USP32: variants seen among roughly 807,000 people sequenced by gnomAD.
USP32 encodes the protein ubiquitin carboxyl-terminal hydrolase 32.
A neutral mutation model predicts 204.8 loss-of-function variants in USP32; 59 were observed. The observed-to-expected ratio is 0.29, with a 90% CI of 0.23 to 0.36. The LOEUF is 0.36. Among genes scored for constraint, USP32 ranks in the 10% least tolerant of loss-of-function variants. USP32 has a pLI of 1.00. For missense variants in USP32, 1,160 were observed against 1,946.4 expected (o/e 0.60, Z 7.60); for synonymous variants, 517 against 678.4 (o/e 0.76, Z 3.70).
intron 9 of USP32, among the ~76,000 whole-genome samples, chr17:60,256,221 G>C (rs571512810): frequency 6.6e-6 from 1 of 151,880 alleles, no homozygotes; most frequent in South Asian, 2.1e-4. Context: ...AATCAGAATA[G>C]AGAAATAAGC....
Position 60,381,430 on chromosome 17 carries a change from G to GTA in USP32, c.58+10451_58+10452insTA, listed in dbSNP as rs1356980865. Among the ~76,000 whole-genome samples, 3 of 143,760 alleles carry GTA rather than the reference G, an allele frequency of 2.1e-5. No individual in the cohort carries two copies. In the South Asian group the frequency reaches 6.5e-4, roughly 31 times the overall value. 94.3% of individuals were successfully genotyped at this position (143,760 alleles called of 152,430 possible). A position where few individuals can be genotyped will look rare whatever the true frequency, so the allele number is the denominator to read the frequency against. ...CACTCCAGCTAGGGTGACAGAGGGAGACCCTGTCTCAAAAAAAAAAAAAAA... is the reference window on the plus strand; with the variant it reads ...CACTCCAGCTAGGGTGACAGAGGGAGTAACCCTGTCTCAAAAAAAAAAAAAAA... On this transcript the variant is annotated intron_variant, in intron 1 of 33. Transcript: ENST00000300896.
intron 5 of USP32, among the ~76,000 whole-genome samples, chr17:60,283,782 G>T (rs769099704): frequency 2.0e-5 from 3 of 151,808 alleles, no homozygotes; most frequent in African/African-American, 7.3e-5. Context: ...TTATTAAAAT[G>T]AATCTGAGGT....
intron 26 of USP32, 54 bp downstream of exon 26, chr17:60,205,393 T>C (rs2084797501): frequency 1.3e-6 from 2 of 1,584,372 alleles, no homozygotes; most frequent in Non-Finnish European, 1.7e-6. Flanking sequence ...AAAATGACTA[T>C]TTCACAAATG....
intron 2 of USP32, among the ~76,000 whole-genome samples, chr17:60,323,980 T>A (rs1013312612): frequency 2.6e-5 from 4 of 152,206 alleles, no homozygotes; most frequent in African/African-American, 9.6e-5. Context: ...ATAAAATGAT[T>A]TTTTAAAAGC....
intron 1 of USP32, among the ~76,000 whole-genome samples, chr17:60,347,355 T>C (rs954281662): frequency 1.3e-5 from 2 of 150,138 alleles, no homozygotes; most frequent in Admixed American, 6.6e-5. Flanking sequence ...TGGCTCATTT[T>C]TTTTTTTTTT....
At chr17:60,349,603 ATATATATATATATATATAT>A (rs2088883653) in intron 1 of USP32, among the ~76,000 whole-genome samples, 1 of 64,142 alleles carries the variant, frequency 1.6e-5, no homozygotes, top group African/African-American at 1.0e-4. Context: ...AAAAATATAT[ATATATATATATATATATAT>A]ATTATATATA....
At chr17:60,235,540 T>A (rs1238449211) in intron 12 of USP32, among the ~76,000 whole-genome samples, 1 of 152,220 alleles carries the variant, frequency 6.6e-6, no homozygotes. Flanking sequence ...ATCAAATGAT[T>A]AGAATTTTCG....
chr17:60,331,614 A>G (rs1296806669), intron 2 of USP32, among the ~76,000 whole-genome samples: 1 of 143,864 alleles, frequency 7.0e-6, no homozygotes, highest in African/African-American at 2.6e-5. Context: ...CACACATTTA[A>G]AGTATACAAT....
chr17:60,197,148 C>G (rs1318292891), intron 27 of USP32, among the ~76,000 whole-genome samples: 1 of 151,928 alleles, frequency 6.6e-6, no homozygotes, highest in Non-Finnish European at 1.5e-5. Flanking sequence ...CCACTGTACT[C>G]CAGCCTGGGT....
intron 18 of USP32, among the ~76,000 whole-genome samples, chr17:60,213,200 G>A (rs1247417356): frequency 1.3e-5 from 2 of 152,166 alleles, no homozygotes; most frequent in Admixed American, 6.5e-5. Flanking sequence ...GCCAATGTTG[G>A]TGACTAATGA....
chr17:60,363,164 A>AT (rs1479739879), intron 1 of USP32, among the ~76,000 whole-genome samples: 4 of 151,576 alleles, frequency 2.6e-5, no homozygotes, highest in African/African-American at 9.7e-5. Flanking sequence ...TTAAAAAAAA[A>AT]TTTTTTGAGG....
rs1242988861 is a variant in USP32, at chr17:60,339,578, C to G, written c.186+5903G>C. ...ACCCTGGGCAACAAGAGCAAAACTC[C>G]ATCTCAAAAAAAAAAAAAAAAAAAG... On this transcript the variant is annotated intron_variant, in intron 2 of 33. Transcript: ENST00000300896. Among the ~76,000 whole-genome samples, 58 of 131,104 alleles carry G rather than the reference C, an allele frequency of 4.4e-4. 1 individual carries two copies. The highest frequency in any genetic ancestry group is 1.8e-3 in the African/African-American group (55 of 30,826). 86.0% of individuals were successfully genotyped at this position (131,104 alleles called of 152,430 possible).
chr17:60,230,016 G>A (rs1328181129), intron 12 of USP32, among the ~76,000 whole-genome samples: 4 of 152,112 alleles, frequency 2.6e-5, no homozygotes, highest in Non-Finnish European at 5.9e-5. Context: ...GTTTCGCCAC[G>A]TTGGCCAGGC....
chr17:60,399,336 G>A (rs1479761503), intron 1 of USP32, among the ~76,000 whole-genome samples: 2 of 152,158 alleles, frequency 1.3e-5, no homozygotes, highest in Non-Finnish European at 2.9e-5. Context: ...GAGGCAAGAA[G>A]TGCTGAGATG....
chr17:60,248,543 G>C (rs1165019149), intron 11 of USP32, among the ~76,000 whole-genome samples: 2 of 151,886 alleles, frequency 1.3e-5, no homozygotes, highest in Non-Finnish European at 2.9e-5. Flanking sequence ...TCATTTATTT[G>C]GTCTTCTTTC....
chr17:60,301,716 T>C lies in USP32; in HGVS notation c.187-12A>G, dbSNP rs1467459915. On this transcript the variant is annotated splice_polypyrimidine_tract_variant and intron_variant, in intron 2 of 33. Coordinates refer to ENST00000300896, the MANE Select transcript of USP32 (RefSeq NM_032582.4). ...GAACAGTAAATCACCTGGAAAAAGATGATAAAGCCAACCTTAGGAGGCATT... is the reference window on the plus strand; with the variant it reads ...GAACAGTAAATCACCTGGAAAAAGACGATAAAGCCAACCTTAGGAGGCATT... The C allele has an allele frequency of 6.4e-7, 1 of 1,563,430 alleles. No homozygotes were observed. The highest frequency in any genetic ancestry group is 8.6e-7 in the Non-Finnish European group (1 of 1,156,516).
At position 60,183,293 on chromosome 17, in the gene USP32, A is replaced by G. The variant is rs2084162608; in HGVS notation, c.3995T>C (p.Leu1332Pro). Residue 1332 changes from leucine (L) to proline (P), a missense_variant, in exon 31 of 34, where the codon CTC (leucine) becomes CCC (proline). Physicochemically the swap from Leu to Pro is moderately conservative, Grantham distance 98. Coordinates refer to ENST00000300896, the MANE Select transcript of USP32 (RefSeq NM_032582.4). The part of the protein sequence containing the change: ...HKPLTPQGDE[L>P]SEPRILAREV... ...CCTTGCCAGAATCCTGGGCTCAGAGAGCTCATCCCCCTGGGGTGTGAGTGG... is the reference window on the plus strand; with the variant it reads ...CCTTGCCAGAATCCTGGGCTCAGAGGGCTCATCCCCCTGGGGTGTGAGTGG... 2 of 1,613,962 alleles carry G rather than the reference A, an allele frequency of 1.2e-6. No homozygotes were observed. Among genetic ancestry groups the G allele is most frequent in the Non-Finnish European group, 1.7e-6 (2 of 1,179,856 alleles).
At chr17:60,241,888 TTTTTTCCCCAC>T in intron 11 of USP32, among the ~76,000 whole-genome samples, 1 of 152,036 alleles carries the variant, frequency 6.6e-6, no homozygotes. Flanking sequence ...AGTCTTACAC[TTTTTTCCCCAC>T]TTATAAACTG....
chr17:60,219,685 T>A lies in USP32; in HGVS notation c.1852A>T (p.Ile618Phe), dbSNP rs767962683. 3.1e-6 allele frequency: 5 copies of A among 1,611,780 alleles called. No individual in the cohort carries two copies. In the South Asian group the frequency reaches 5.5e-5, roughly 18 times the overall value. Residue 618 changes from isoleucine to phenylalanine, a missense_variant, in exon 16 of 34, where the codon ATC becomes TTC. Physicochemically the swap from Ile to Phe is conservative, Grantham distance 21. This residue lies in a region of USP32 where 37 missense variants were observed against 62.6 expected (regional missense o/e 0.59). Coordinates refer to ENST00000300896, the MANE Select transcript of USP32 (RefSeq NM_032582.4). ...CTCATCATACCCATATTCACCCAGA[T>A]GTTAGACTGCTGTGTCCGAGTGGCA... ...QPATRTQQSNIWVNMGNVPSP... is the reference protein window; with the variant it reads ...QPATRTQQSNFWVNMGNVPSP...
Sources: gnomAD v4.1 joint callset for allele counts (sites outside exome capture counted in the v4.1 genomes callset) on GRCh38, gnomAD v4.1.1 for gene constraint, gnomAD v4.1.1 regional missense constraint, MANE v1.5 for transcripts, NCBI Gene and HGNC (gene_info 2026-07-23, HGNC 2026-07-21) for gene names.